Variants in CCDC178 observed in about 807,000 individuals in gnomAD.
CCDC178 encodes coiled-coil domain-containing protein 178.
In CCDC178, 126 loss-of-function variants were observed where a neutral mutation model predicts 117.4. The ratio of observed to expected loss-of-function variants is 1.07; its 90% CI spans 0.93 to 1.24. CCDC178 has a LOEUF of 1.24. CCDC178 is among the 50% of genes most tolerant of loss of function. The pLI, the probability that CCDC178 is intolerant of heterozygous loss-of-function variation, is 0.00. For synonymous variants in CCDC178, 283 were observed against 313.4 expected (o/e 0.90, Z 1.02); for missense variants, 1,030 against 986.9 (o/e 1.04, Z -0.59).
chr18:33,232,047 C>T (rs2059374027), intron 15 of CCDC178, among the ~76,000 whole-genome samples: 1 of 152,130 alleles, frequency 6.6e-6, no homozygotes, highest in African/African-American at 2.4e-5. Flanking sequence ...GTCACAACGA[C>T]TCAATTCTGG....
chr18:33,215,479 AT>A, intron 19 of CCDC178, 70 bp downstream of exon 19: 1 of 878,952 alleles, frequency 1.1e-6, no homozygotes, highest in Non-Finnish European at 1.6e-6. Flanking sequence ...TGCATTTTAA[AT>A]ATGGAAATTT....
rs1274995277 is a variant in CCDC178, at chr18:33,092,915, A to C, written c.2239-5T>G. Reference sequence around the variant, plus strand: ...AAGTGAATCAGCTATTATTTTCTAGAAGGTAAAAAAATATAATTGAATTGT... The same window carrying C: ...AAGTGAATCAGCTATTATTTTCTAGCAGGTAAAAAAATATAATTGAATTGT... On this transcript the variant is annotated splice_polypyrimidine_tract_variant and splice_region_variant and intron_variant, in intron 20 of 22. Coordinates refer to ENST00000383096, the MANE Select transcript of CCDC178 (RefSeq NM_001105528.4). The C allele has an allele frequency of 4.6e-6, 7 of 1,513,924 alleles. No homozygotes were observed. The highest frequency in any genetic ancestry group is 6.2e-6 in the Non-Finnish European group (7 of 1,120,640). 93.8% of individuals were successfully genotyped at this position (1,513,924 alleles called of 1,614,324 possible).
At chr18:32,969,518 A>G (rs1157118533) in intron 22 of CCDC178, among the ~76,000 whole-genome samples, 1 of 152,062 alleles carries the variant, frequency 6.6e-6, no homozygotes, top group Non-Finnish European at 1.5e-5. Context: ...CTAGAGCTCA[A>G]CAAACTATAT....
intron 12 of CCDC178, 51 bp downstream of exon 12, chr18:33,293,108 A>G: frequency 1.5e-6 from 2 of 1,313,514 alleles, no homozygotes; most frequent in Non-Finnish European, 1.0e-6. Context: ...TTTACTATTT[A>G]TAACTCAAAA....
At chr18:33,008,437 T>C (rs1023383557) in intron 21 of CCDC178, among the ~76,000 whole-genome samples, 4 of 152,066 alleles carry the variant, frequency 2.6e-5, no homozygotes, top group Non-Finnish European at 2.9e-5. Flanking sequence ...ATCGATTCCA[T>C]CCCCTCTCAT....
chr18:33,081,596 T>G (rs1462018640), intron 21 of CCDC178, among the ~76,000 whole-genome samples: 2 of 152,218 alleles, frequency 1.3e-5, no homozygotes, highest in Non-Finnish European at 2.9e-5. Flanking sequence ...ATATACATCA[T>G]GCAGACAGTA....
At chr18:33,011,767 C>CAAAAAAAAAAAAAAAAAAAAAAAAAAAA (rs71177899) in intron 21 of CCDC178, among the ~76,000 whole-genome samples, 1 of 29,982 alleles carries the variant, frequency 3.3e-5, no homozygotes, top group Non-Finnish European at 9.0e-5. Context: ...GAGCAGAATG[C>CAAAAAAAAAAAAAAAAAAAAAAAAAAAA]AAAAAAAAAA....
chr18:33,256,898 T>C (rs1449566242), intron 14 of CCDC178, among the ~76,000 whole-genome samples: 1 of 152,098 alleles, frequency 6.6e-6, no homozygotes, highest in Non-Finnish European at 1.5e-5. Flanking sequence ...TGGATAGTGT[T>C]CTATTAGTTT....
At chr18:33,426,737 GTACGTGTGT>G (rs1001660177) in intron 2 of CCDC178, among the ~76,000 whole-genome samples, 2 of 152,064 alleles carry the variant, frequency 1.3e-5, no homozygotes, top group African/African-American at 2.4e-5. Context: ...GAATAATTGT[GTACGTGTGT>G]TACTTTTCCT....
rs545991061 is a variant in CCDC178 at position 33,290,086 on chromosome 18, C to A, written c.1176+3073G>T. Among the ~76,000 whole-genome samples the A allele has an allele frequency of 1.6e-4, 24 of 152,224 alleles. No individual in the cohort carries two copies. The East Asian group carries it at 4.2e-3, about 27-fold the overall frequency. On this transcript the variant is annotated intron_variant, in intron 12 of 22. Transcript: ENST00000383096. Reference sequence around the variant, plus strand: ...CTGAGATATTTTAATTCATCTCTTACAGTAATTGATAGAAGTGTCAGAAAA... The same window carrying A: ...CTGAGATATTTTAATTCATCTCTTAAAGTAATTGATAGAAGTGTCAGAAAA...
At chr18:33,032,300 G>A (rs2144864124) in intron 21 of CCDC178, among the ~76,000 whole-genome samples, 1 of 152,162 alleles carries the variant, frequency 6.6e-6, no homozygotes, top group Admixed American at 6.6e-5. Context: ...TAGTCACATG[G>A]TTATCTCACA....
chr18:33,055,811 T>G (rs1567960147), intron 21 of CCDC178, among the ~76,000 whole-genome samples: 1 of 151,734 alleles, frequency 6.6e-6, no homozygotes, highest in Non-Finnish European at 1.5e-5. Flanking sequence ...TGGATAATTT[T>G]TTTTTTTTTT....
chr18:33,302,276 TA>T (rs1377906803), intron 11 of CCDC178, among the ~76,000 whole-genome samples: 1 of 152,178 alleles, frequency 6.6e-6, no homozygotes, highest in African/African-American at 2.4e-5. Flanking sequence ...TGAAAAACCA[TA>T]AATCAACTAA....
chr18:33,344,792 T>C (rs1041533543), intron 9 of CCDC178, among the ~76,000 whole-genome samples: 4 of 129,424 alleles, frequency 3.1e-5, no homozygotes, highest in African/African-American at 9.0e-5. Context: ...GGTAGCCTCA[T>C]TGCCTCTAAA....
intron 14 of CCDC178, among the ~76,000 whole-genome samples, chr18:33,248,953 G>A (rs1288870256): frequency 9.2e-5 from 14 of 152,052 alleles, no homozygotes; most frequent in South Asian, 2.1e-4. Context: ...TTTAATGATC[G>A]CCATTCTAAC....
chr18:33,138,307 T>G (rs983276758), intron 20 of CCDC178, among the ~76,000 whole-genome samples: 3 of 152,182 alleles, frequency 2.0e-5, no homozygotes, highest in Admixed American at 6.5e-5. Context: ...TGTATTTGTA[T>G]TGTGAGGAAA....
intron 12 of CCDC178, among the ~76,000 whole-genome samples, chr18:33,280,164 C>A (rs2060004255): frequency 1.3e-5 from 2 of 151,868 alleles, no homozygotes; most frequent in Admixed American, 6.6e-5. Flanking sequence ...AGTGCACAGG[C>A]AACCTACAAA....
At chr18:33,347,940 G>A (rs764792455) in intron 8 of CCDC178, among the ~76,000 whole-genome samples, 4 of 151,726 alleles carry the variant, frequency 2.6e-5, no homozygotes, top group Non-Finnish European at 4.4e-5. Flanking sequence ...TTAGCATAAG[G>A]CCTTGATTAC....
At chr18:33,133,363 C>A (rs543903968) in intron 20 of CCDC178, among the ~76,000 whole-genome samples, 16 of 151,634 alleles carry the variant, frequency 1.1e-4, no homozygotes, top group African/African-American at 3.4e-4. Flanking sequence ...AGGAATGAAG[C>A]CAGGTTTAAG....
Sources: allele counts gnomAD v4.1 joint callset (sites outside exome capture counted in the v4.1 genomes callset), GRCh38; gene constraint gnomAD v4.1.1; transcripts MANE v1.5; gene names NCBI Gene and HGNC (gene_info 2026-07-23, HGNC 2026-07-21).